MACROD2: variants seen among roughly 807,000 people sequenced by gnomAD.
MACROD2 encodes mono-ADP ribosylhydrolase 2.
A neutral mutation model predicts 70.4 loss-of-function variants in MACROD2; 36 were observed. That is an observed-to-expected ratio of 0.51 (90% CI 0.39 to 0.68). The LOEUF (loss-of-function observed/expected upper bound fraction) is 0.68. Among genes scored for constraint, MACROD2 ranks in the 30% least tolerant of loss-of-function variants. The pLI, the probability that MACROD2 is intolerant of heterozygous loss-of-function variation, is 0.00. For synonymous variants in MACROD2, 172 were observed against 178.8 expected (o/e 0.96, Z 0.30); for missense variants, 496 against 538.4 (o/e 0.92, Z 0.78).
intron 5 of MACROD2, among the ~76,000 whole-genome samples, chr20:14,731,491 A>G (rs984760304): frequency 4.6e-5 from 7 of 152,152 alleles, no homozygotes; most frequent in African/African-American, 1.7e-4. Flanking sequence ...GGTGGGACAT[A>G]TATTTAGAAG....
At chr20:14,972,731 A>C (rs6043042) in intron 5 of MACROD2, among the ~76,000 whole-genome samples, 2,629 of 152,248 alleles carry the variant, frequency 0.017, 75 homozygotes, top group African/African-American at 0.058. Flanking sequence ...TTCATTTAGG[A>C]GGAGTGCTTA....
chr20:14,302,606 A>G (rs906246820), intron 3 of MACROD2, among the ~76,000 whole-genome samples: 6 of 151,820 alleles, frequency 4.0e-5, no homozygotes, highest in African/African-American at 1.5e-4. Context: ...GCACTTTTAA[A>G]TTTATTATTA....
At chr20:15,199,318 A>C (rs149818) in intron 5 of MACROD2, among the ~76,000 whole-genome samples, 78,418 of 151,844 alleles carry the variant, frequency 0.52, 21,320 homozygotes, top group African/African-American at 0.68. Flanking sequence ...GATCGCACCA[A>C]TGCACTCCAG....
chr20:16,013,511 G>A (rs1018493576), intron 15 of MACROD2, among the ~76,000 whole-genome samples: 9 of 152,158 alleles, frequency 5.9e-5, no homozygotes, highest in Non-Finnish European at 1.0e-4. Context: ...GGTAGTTTGG[G>A]AGAACACCTC....
chr20:14,966,767 A>G (rs754936763), intron 5 of MACROD2, among the ~76,000 whole-genome samples: 4 of 151,716 alleles, frequency 2.6e-5, no homozygotes, highest in Non-Finnish European at 5.9e-5. Flanking sequence ...ATGTTGTTGC[A>G]TATACAAACA....
chr20:14,154,941 C>T (rs2055078749), intron 3 of MACROD2, among the ~76,000 whole-genome samples: 1 of 152,164 alleles, frequency 6.6e-6, no homozygotes, highest in Admixed American at 6.5e-5. Flanking sequence ...AGAATGTGAG[C>T]TCCTTAAGGA....
At chr20:15,667,981 G>A (rs114514729) in intron 8 of MACROD2, among the ~76,000 whole-genome samples, 2,484 of 152,198 alleles carry the variant, frequency 0.016, 68 homozygotes, top group African/African-American at 0.056. Flanking sequence ...AGGCAGGCAC[G>A]GTGGCTCACA....
At chr20:15,351,715 A>G (rs2078229009) in intron 6 of MACROD2, among the ~76,000 whole-genome samples, 1 of 152,248 alleles carries the variant, frequency 6.6e-6, no homozygotes, top group African/African-American at 2.4e-5. Context: ...AGTTGGTATT[A>G]GAAGTGAGGA....
chr20:14,994,350 C>T (rs2423909), intron 5 of MACROD2, among the ~76,000 whole-genome samples: 3,254 of 152,132 alleles, frequency 0.021, 67 homozygotes, highest in Admixed American at 0.047. Flanking sequence ...ATCAAAATCA[C>T]GCTCTGGAAG....
chr20:14,724,535 G>A (rs533535689), intron 5 of MACROD2, among the ~76,000 whole-genome samples: 1 of 152,174 alleles, frequency 6.6e-6, no homozygotes, highest in Non-Finnish European at 1.5e-5. Flanking sequence ...GATAAAATAG[G>A]ATTGGGCACT....
intron 3 of MACROD2, among the ~76,000 whole-genome samples, chr20:14,400,290 A>C (rs2122833578): frequency 6.6e-6 from 1 of 152,276 alleles, no homozygotes; most frequent in East Asian, 1.9e-4. Context: ...TTCTAGGGCT[A>C]ATTTTCCCCA....
intron 8 of MACROD2, among the ~76,000 whole-genome samples, chr20:15,705,626 C>A (rs981563466): frequency 2.0e-5 from 3 of 152,088 alleles, no homozygotes; most frequent in African/African-American, 7.2e-5. Context: ...ACCATGTTGG[C>A]CAGGCTGGTC....
At chr20:15,230,260 G>A (rs1601264191) in intron 6 of MACROD2, among the ~76,000 whole-genome samples, 199 bp downstream of exon 6, 1 of 152,056 alleles carries the variant, frequency 6.6e-6, no homozygotes, top group East Asian at 1.9e-4. Context: ...TGATGTTTCA[G>A]AATTTAAAAC....
chr20:14,584,922 C>G (rs1011292489), intron 4 of MACROD2, among the ~76,000 whole-genome samples: 1 of 152,110 alleles, frequency 6.6e-6, no homozygotes, highest in African/African-American at 2.4e-5. Context: ...TGATTCTTCC[C>G]TGGGGTTTCT....
intron 5 of MACROD2, among the ~76,000 whole-genome samples, chr20:14,850,845 G>A (rs1268133389): frequency 3.9e-5 from 6 of 152,122 alleles, no homozygotes; most frequent in African/African-American, 1.4e-4. Flanking sequence ...AGGAAAAGGT[G>A]ACATGAATGT....
At chr20:14,283,993 C>A (rs1432861730) in intron 3 of MACROD2, among the ~76,000 whole-genome samples, 3 of 152,164 alleles carry the variant, frequency 2.0e-5, no homozygotes, top group Non-Finnish European at 4.4e-5. Flanking sequence ...GAATTTTTAT[C>A]ATTGTCAAAG....
chr20:15,031,770 A>G (rs2075276258), intron 5 of MACROD2, among the ~76,000 whole-genome samples: 1 of 152,066 alleles, frequency 6.6e-6, no homozygotes, highest in Non-Finnish European at 1.5e-5. Flanking sequence ...TGGAGGGAGC[A>G]CCATAAATTC....
At chr20:14,270,652 A>G (rs891450348) in intron 3 of MACROD2, among the ~76,000 whole-genome samples, 1 of 151,906 alleles carries the variant, frequency 6.6e-6, no homozygotes, top group Non-Finnish European at 1.5e-5. Context: ...TTCAAGACCA[A>G]ATGTCTTGCA....
chr20:15,367,770 A>G (rs1287938738), intron 6 of MACROD2, among the ~76,000 whole-genome samples: 1 of 152,164 alleles, frequency 6.6e-6, no homozygotes, highest in African/African-American at 2.4e-5. Context: ...CCACGAAGAA[A>G]TTATGTCATT....
Sources: gnomAD v4.1 joint callset for allele counts (sites outside exome capture counted in the v4.1 genomes callset) on GRCh38, gnomAD v4.1.1 for gene constraint, MANE v1.5 for transcripts, NCBI Gene and HGNC (gene_info 2026-07-23, HGNC 2026-07-21) for gene names.